Variants in NRG3 observed in about 807,000 individuals in gnomAD.
NRG3 encodes neuregulin 3.
NRG3 carries 31 observed loss-of-function variants against 66.9 expected under a neutral mutation model. That is an observed-to-expected ratio of 0.46 (90% confidence interval 0.35 to 0.63). The LOEUF is 0.63. Among genes scored for constraint, NRG3 ranks in the 20% least tolerant of loss-of-function variants. NRG3 has a pLI of 0.00. For synonymous variants in NRG3, 393 were observed against 359.4 expected, an observed-to-expected ratio of 1.09 and a Z score of -1.06; for missense variants, 910 against 878.9, an observed-to-expected ratio of 1.04 and a Z score of -0.45.
At chr10:82,197,847 T>C (rs2074527435) in intron 1 of NRG3, among the ~76,000 whole-genome samples, 1 of 152,176 alleles carries the variant, frequency 6.6e-6, no homozygotes, top group Non-Finnish European at 1.5e-5. Flanking sequence ...TATTTTCTTA[T>C]TTCCCAAATA....
At chr10:82,360,271 G>A (rs749982180) in intron 2 of NRG3, among the ~76,000 whole-genome samples, 7 of 152,176 alleles carry the variant, frequency 4.6e-5, no homozygotes, top group Non-Finnish European at 1.0e-4. Context: ...GTGACATTAA[G>A]ACCTTAAGGG....
intron 1 of NRG3, among the ~76,000 whole-genome samples, chr10:82,282,468 G>A (rs2079178805): frequency 6.6e-6 from 1 of 151,974 alleles, no homozygotes. Flanking sequence ...AGGACTCAGG[G>A]CAGCAGGACT....
At chr10:82,265,880 C>T (rs764299064) in intron 1 of NRG3, among the ~76,000 whole-genome samples, 13 of 152,058 alleles carry the variant, frequency 8.5e-5, no homozygotes, top group Admixed American at 4.6e-4. Flanking sequence ...AGTAACAATT[C>T]GGAGCATGAA....
intron 3 of NRG3, among the ~76,000 whole-genome samples, chr10:82,839,019 G>A (rs1250823578): frequency 1.3e-5 from 2 of 152,022 alleles, no homozygotes. Flanking sequence ...ACTACCACGA[G>A]AACAGTATGG....
intron 3 of NRG3, among the ~76,000 whole-genome samples, chr10:82,773,654 A>G (rs1262867248): frequency 6.6e-6 from 1 of 151,150 alleles, no homozygotes; most frequent in Non-Finnish European, 1.5e-5. Flanking sequence ...TCCAATTTGG[A>G]TGCTTATTGT....
At chr10:82,070,458 G>A (rs1308824688) in intron 1 of NRG3, among the ~76,000 whole-genome samples, 1 of 152,050 alleles carries the variant, frequency 6.6e-6, no homozygotes, top group Non-Finnish European at 1.5e-5. Context: ...TCCTTGAGGT[G>A]GATCCTTTTT....
chr10:81,950,382 A>G (rs1193118021), intron 1 of NRG3, among the ~76,000 whole-genome samples: 1 of 152,144 alleles, frequency 6.6e-6, no homozygotes, highest in African/African-American at 2.4e-5. Flanking sequence ...TTTCTGTGAT[A>G]TTTTCAAACC....
At chr10:82,687,435 A>T (rs2054598769) in intron 2 of NRG3, among the ~76,000 whole-genome samples, 2 of 152,104 alleles carry the variant, frequency 1.3e-5, no homozygotes, top group African/African-American at 2.4e-5. Flanking sequence ...AGTACTTCTG[A>T]CTTAGCTCTT....
intron 2 of NRG3, among the ~76,000 whole-genome samples, chr10:82,430,413 A>C (rs113959148): frequency 1.5e-3 from 222 of 151,904 alleles, no homozygotes; most frequent in African/African-American, 5.0e-3. Context: ...ACCCACCACC[A>C]TGCCTGGCTA....
At chr10:82,610,580 G>A (rs759937712) in intron 2 of NRG3, among the ~76,000 whole-genome samples, 5 of 152,118 alleles carry the variant, frequency 3.3e-5, no homozygotes, top group African/African-American at 4.8e-5. Context: ...GATGCTCTTG[G>A]CTAAGAGTGA....
At chr10:82,025,840 G>T (rs1228247620) in intron 1 of NRG3, among the ~76,000 whole-genome samples, 1 of 151,882 alleles carries the variant, frequency 6.6e-6, no homozygotes, top group Non-Finnish European at 1.5e-5. Context: ...ATAGTTTTTT[G>T]TTTTGTTTTG....
In NRG3 at chr10:82,109,127, G is replaced by GC. The variant is rs576417991; in HGVS notation, c.823+232965dup. On this transcript the variant is annotated intron_variant, in intron 1 of 8. Transcript: ENST00000372141. ...AATAAAAGAACCAATTATACTAGTC[G>GC]CTAATGTCAGAAGAATTATGATGTG... Among the ~76,000 whole-genome samples, 649 of 152,224 alleles carry GC rather than the reference G, an allele frequency of 4.3e-3. 5 individuals are homozygous for GC. The highest frequency in any genetic ancestry group is 0.015 in the African/African-American group (631 of 41,548).
At chr10:82,263,298 G>A (rs762362230) in intron 1 of NRG3, among the ~76,000 whole-genome samples, 1 of 152,152 alleles carries the variant, frequency 6.6e-6, no homozygotes, top group Non-Finnish European at 1.5e-5. Flanking sequence ...GGATGGGCAA[G>A]AGAAGGTAGA....
Position 81,875,505 on chromosome 10 carries a change from C to G in NRG3, c.165C>G (p.Ser55Arg), listed in dbSNP as rs767942442. 6.2e-7 allele frequency: 1 copy of G among 1,604,866 alleles called. No individual in the cohort carries two copies. The highest frequency in any genetic ancestry group is 1.1e-5 in the South Asian group (1 of 90,400). The stretch of plus-strand genomic sequence containing the variant: ...AGCCCCCCCGGGAGTTACGCTGTAG[C>G]GACTGCATCGTGTGGAACCGGCAGC... The part of the protein sequence containing the change: ...AAEPPRELRC[S>R]DCIVWNRQQT... Residue 55 changes from serine (S) to arginine (R), a missense_variant, in exon 1 of 9, where the codon AGC becomes AGG. Ser to Arg is a moderately radical substitution (Grantham distance 110). Coordinates refer to ENST00000372141, the MANE Select transcript of NRG3 (RefSeq NM_001010848.4). This position sits in a 1 kb window ranked among gnomAD's most constrained non-coding sequence, Gnocchi z 5.3.
At chr10:82,556,127 T>G (rs1025560798) in intron 2 of NRG3, among the ~76,000 whole-genome samples, 4 of 152,198 alleles carry the variant, frequency 2.6e-5, no homozygotes, top group African/African-American at 9.6e-5. Flanking sequence ...TTCTGGTTTT[T>G]GGTTACATCT....
At chr10:82,934,922 TA>T (rs1238366531) in intron 4 of NRG3, among the ~76,000 whole-genome samples, 1 of 152,158 alleles carries the variant, frequency 6.6e-6, no homozygotes, top group Non-Finnish European at 1.5e-5. Context: ...AACAGGCCAA[TA>T]TTTTTTTTAT....
chr10:82,821,910 G>A (rs1353511225), intron 3 of NRG3, among the ~76,000 whole-genome samples: 1 of 152,088 alleles, frequency 6.6e-6, no homozygotes, highest in Non-Finnish European at 1.5e-5. Flanking sequence ...GAATATGGTG[G>A]AAAGGTTGAA....
chr10:82,016,355 G>A (rs964497257), intron 1 of NRG3, among the ~76,000 whole-genome samples: 1 of 151,974 alleles, frequency 6.6e-6, no homozygotes, highest in Non-Finnish European at 1.5e-5. Context: ...TGAAAGATGA[G>A]AGTCCAAGGA....
intron 1 of NRG3, among the ~76,000 whole-genome samples, chr10:82,179,028 T>A (rs889004756): frequency 6.6e-6 from 1 of 152,102 alleles, no homozygotes; most frequent in Admixed American, 6.5e-5. Context: ...TATTGGCATT[T>A]GTATGTTTTC....
Sources: allele counts gnomAD v4.1 joint callset (sites outside exome capture counted in the v4.1 genomes callset), GRCh38; gene constraint gnomAD v4.1.1; non-coding constraint Gnocchi (gnomAD v3.1); transcripts MANE v1.5; gene names NCBI Gene and HGNC (gene_info 2026-07-23, HGNC 2026-07-21).